NGEF: variants seen among roughly 807,000 people sequenced by gnomAD.
The protein encoded by NGEF is ephexin-1.
In NGEF, 31 loss-of-function variants were observed where a neutral mutation model predicts 80.9. That is an observed-to-expected ratio of 0.38 (90% CI 0.29 to 0.52). The LOEUF is 0.52. Ranked by LOEUF, NGEF falls within the 20% of genes least tolerant of loss-of-function variation. The pLI, the probability that NGEF is intolerant of heterozygous loss-of-function variation, is 0.84. For synonymous variants in NGEF, 371 were observed against 370.2 expected (o/e 1.00, Z -0.03); for missense variants, 709 against 926.2 (o/e 0.77, Z 3.04).
intron 3 of NGEF, among the ~76,000 whole-genome samples, chr2:232,944,726 AATATATATATATATATAT>A (rs57851903): frequency 0.13 from 13,649 of 108,792 alleles, 1,255 homozygotes; most frequent in African/African-American, 0.23. Flanking sequence ...GACTTTTCCG[AATATATATATATATATAT>A]ATATATATAT....
At chr2:232,913,122 A>G (rs1692723555) in intron 5 of NGEF, among the ~76,000 whole-genome samples, 1 of 152,196 alleles carries the variant, frequency 6.6e-6, no homozygotes, top group African/African-American at 2.4e-5. Context: ...TGCTTTCTTA[A>G]ATAAACATAA....
chr2:232,883,112 C>T (rs1326345073), intron 12 of NGEF, among the ~76,000 whole-genome samples, 199 bp downstream of exon 12: 2 of 152,294 alleles, frequency 1.3e-5, no homozygotes, highest in African/African-American at 2.4e-5. Context: ...CACGCGTACA[C>T]GCATCCAGGA....
At chr2:232,928,561 G>A (rs1478582393) in intron 3 of NGEF, among the ~76,000 whole-genome samples, 1 of 152,160 alleles carries the variant, frequency 6.6e-6, no homozygotes, top group Admixed American at 6.5e-5. Context: ...GAAGCTCCGA[G>A]CCCGGCCTCG....
intron 4 of NGEF, among the ~76,000 whole-genome samples, chr2:232,925,998 T>C (rs1412979251): frequency 2.0e-5 from 3 of 151,890 alleles, no homozygotes; most frequent in Non-Finnish European, 2.9e-5. Context: ...GCTCAGCTCC[T>C]CTCCGGGCTC....
chr2:232,968,403 T>G (rs1574643441), intron 3 of NGEF, among the ~76,000 whole-genome samples: 1 of 147,776 alleles, frequency 6.8e-6, no homozygotes, highest in East Asian at 2.0e-4. Context: ...CTGGCTTTTA[T>G]TTTATTTTAT....
chr2:233,010,983 A>AG (rs1265124057), intron 1 of NGEF, among the ~76,000 whole-genome samples: 3 of 152,062 alleles, frequency 2.0e-5, no homozygotes, highest in African/African-American at 4.8e-5. Flanking sequence ...TGCGGGGAGA[A>AG]GGGGGGTCTG....
At chr2:232,902,926 G>A (rs1214168224) in intron 5 of NGEF, among the ~76,000 whole-genome samples, 1 of 152,190 alleles carries the variant, frequency 6.6e-6, no homozygotes, top group Non-Finnish European at 1.5e-5. Flanking sequence ...CCTGGGAGGT[G>A]GAGGTTGCAG....
chr2:232,974,704 A>C lies in NGEF; in HGVS notation c.187T>G (p.Ser63Ala). ...CGTCTTATGGAGCGATTGAAGATGG[A>C]ATTTCTCTTAATTGGGATGTGGCAA... ...PHCHIPIKRN[S>A]IFNRSIRRKS... The change falls in exon 2 of 15, where the codon TCC (serine) becomes GCC (alanine). Residue 63 changes from serine (S) to alanine (A), a missense_variant. Transcript: ENST00000264051. 6.2e-7 allele frequency: 1 copy of C among 1,614,162 alleles called. No homozygotes were observed. Among genetic ancestry groups the C allele is most frequent in the Non-Finnish European group, 8.5e-7 (1 of 1,180,036 alleles).
intron 5 of NGEF, among the ~76,000 whole-genome samples, chr2:232,900,244 TCA>T (rs1221045455): frequency 7.8e-5 from 9 of 114,886 alleles, no homozygotes; most frequent in Admixed American, 4.2e-4. Flanking sequence ...ACACACGCTC[TCA>T]GTCACTCATA....
chr2:232,938,258 A>C (rs1428763403), intron 3 of NGEF, among the ~76,000 whole-genome samples: 2 of 152,200 alleles, frequency 1.3e-5, no homozygotes, highest in East Asian at 3.9e-4. Context: ...AAACATTGGA[A>C]TTTCCAAAGC....
intron 5 of NGEF, chr2:232,905,630 C>T (rs185379244): frequency 0.06 from 20,823 of 344,928 alleles, 788 homozygotes; most frequent in East Asian, 0.16. Context: ...CGTCTCTGCC[C>T]GGCCGCCATC....
rs1693729737 is a variant in NGEF at position 232,953,543 on chromosome 2, G to A, written c.383+16671C>T. 2.0e-5 allele frequency among the ~76,000 whole-genome samples: 3 copies of A among 148,650 alleles called. No homozygotes were observed. The South Asian group carries it at 6.4e-4, about 32-fold the overall frequency. ...AAGAAAAAGTTTAACATACATTGTT[G>A]ATGACACTGATATACATTCCTTTAT... On this transcript the variant is annotated intron_variant, in intron 3 of 14. Coordinates refer to ENST00000264051, the MANE Select transcript of NGEF (RefSeq NM_019850.3).
chr2:232,936,687 C>T (rs1056729826), intron 3 of NGEF, among the ~76,000 whole-genome samples: 3 of 152,210 alleles, frequency 2.0e-5, no homozygotes, highest in Non-Finnish European at 4.4e-5. Flanking sequence ...ATCTGTGACT[C>T]CCAAGGGAGA....
intron 3 of NGEF, among the ~76,000 whole-genome samples, chr2:232,940,687 C>G (rs1693418924): frequency 6.6e-6 from 1 of 152,174 alleles, no homozygotes; most frequent in Non-Finnish European, 1.5e-5. Context: ...TCTGGAAAGA[C>G]ATCCATAGTA....
At chr2:232,881,114 G>A in intron 14 of NGEF, 32 bp downstream of exon 14, 1 of 1,576,480 alleles carries the variant, frequency 6.3e-7, no homozygotes, top group Non-Finnish European at 8.7e-7. Context: ...AAGTTCCCCT[G>A]GGGGCCCCGA....
Position 232,887,807 on chromosome 2 carries a change from C to A in NGEF, c.1347+226G>T, listed in dbSNP as rs909395689. On this transcript the variant is annotated intron_variant, in intron 9 of 14. Transcript: ENST00000264051. ...ACAGTAACAAGACAGGCGGTGAGTA[C>A]GTAAGGCTGGAGCCAGGAAGCAGGG... Among the ~76,000 whole-genome samples, 3 of 152,302 alleles carry A rather than the reference C, an allele frequency of 2.0e-5. No individual in the cohort carries two copies. The South Asian group carries it at 6.2e-4, about 32-fold the overall frequency.
chr2:232,965,037 C>A (rs1331977909), intron 3 of NGEF, among the ~76,000 whole-genome samples: 2 of 152,232 alleles, frequency 1.3e-5, no homozygotes, highest in Non-Finnish European at 2.9e-5. Flanking sequence ...TGTAAGATGA[C>A]CTTCAATAAA....
intron 5 of NGEF, among the ~76,000 whole-genome samples, chr2:232,901,161 G>T (rs1692343816): frequency 6.6e-6 from 1 of 152,156 alleles, no homozygotes. Flanking sequence ...TACGCAGCCC[G>T]CGGGCCCCAA....
At chr2:232,887,244 C>T (rs555222417) in intron 9 of NGEF, among the ~76,000 whole-genome samples, 5 of 152,356 alleles carry the variant, frequency 3.3e-5, no homozygotes, top group South Asian at 2.1e-4. Context: ...GCTCTCAGCT[C>T]CAGCTGATGC....
Sources: allele counts gnomAD v4.1 joint callset (sites outside exome capture counted in the v4.1 genomes callset), GRCh38; gene constraint gnomAD v4.1.1; transcripts MANE v1.5; gene names NCBI Gene and HGNC (gene_info 2026-07-23, HGNC 2026-07-21).